Variants in BACE2 observed in about 807,000 individuals in gnomAD.
BACE2 encodes beta-secretase 2.
A neutral mutation model predicts 46.2 loss-of-function variants in BACE2; 17 were observed. That is an observed-to-expected ratio of 0.37 (90% CI 0.25 to 0.55). The LOEUF (loss-of-function observed/expected upper bound fraction) is 0.55. Among genes scored for constraint, BACE2 ranks in the 20% least tolerant of loss-of-function variants. The pLI is 0.82. For missense variants in BACE2, 595 were observed against 698.1 expected (o/e 0.85, Z 1.66); for synonymous variants, 277 against 295.9 (o/e 0.94, Z 0.66).
chr21:41,275,503 G>A lies in BACE2; in HGVS notation c.1436G>A (p.Cys479Tyr). Residue 479 changes from cysteine (C) to tyrosine (Y), a missense_variant, in exon 9 of 9, where the codon TGT (cysteine) becomes TAT (tyrosine). By Grantham distance (194) the Cys-to-Tyr change is radical (BLOSUM62 -2). Around this residue, in one of 3 missense-constraint regions of BACE2, gnomAD observed 343 missense variants for 419.4 expected, o/e 0.82. Transcript: ENST00000330333. ...GTGTCCTATGCGCTCATGAGCGTCT[G>A]TGGAGCCATCCTCCTTGTCTTAATC... ...WIVSYALMSV[C>Y]GAILLVLIVL... is the part of the protein sequence containing the mutation. 1 of 1,614,134 alleles carries A rather than the reference G, an allele frequency of 6.2e-7. No individual in the cohort carries two copies.
At chr21:41,275,216 G>A (rs923113847) in intron 8 of BACE2, among the ~76,000 whole-genome samples, 155 bp from the exon 9 acceptor site, 3 of 152,174 alleles carry the variant, frequency 2.0e-5, no homozygotes, top group African/African-American at 7.2e-5. Flanking sequence ...ACGCTGAGCC[G>A]TGACCCCACT....
At chr21:41,258,527 AT>A (rs1987849214) in intron 8 of BACE2, among the ~76,000 whole-genome samples, 1 of 152,218 alleles carries the variant, frequency 6.6e-6, no homozygotes, top group African/African-American at 2.4e-5. Flanking sequence ...TTCAGTTACT[AT>A]TTTTTAATAC....
intron 2 of BACE2, among the ~76,000 whole-genome samples, chr21:41,235,231 T>C (rs1987082594): frequency 6.6e-6 from 1 of 152,220 alleles, no homozygotes; most frequent in African/African-American, 2.4e-5. Context: ...AGAGTCTGTC[T>C]CATTGACGTA....
At chr21:41,214,092 T>A in intron 1 of BACE2, among the ~76,000 whole-genome samples, 1 of 152,206 alleles carries the variant, frequency 6.6e-6, no homozygotes, top group East Asian at 1.9e-4. Flanking sequence ...TCACAGCATT[T>A]ACTTCTCACA....
intron 6 of BACE2, 117 bp from the exon 7 acceptor site, chr21:41,250,609 GACTAATGTCCCTGCTGTTCTGTCCAA>G: frequency 1.4e-6 from 1 of 704,694 alleles, no homozygotes; most frequent in Non-Finnish European, 2.4e-6. Context: ...TCTTCCAGGG[GACTAATGTCCCTGCTGTTCTGTCCAA>G]ATTAAACATT....
intron 6 of BACE2, among the ~76,000 whole-genome samples, chr21:41,247,067 AC>A (rs1987490647): frequency 6.6e-6 from 1 of 152,138 alleles, no homozygotes. Flanking sequence ...CAAAGCCTGT[AC>A]TGCGGCCCTG....
At chr21:41,210,540 G>C (rs370517539) in intron 1 of BACE2, among the ~76,000 whole-genome samples, 1 of 152,118 alleles carries the variant, frequency 6.6e-6, no homozygotes, top group Admixed American at 6.5e-5. Flanking sequence ...AACACTCACC[G>C]GCCCGGAGAT....
chr21:41,238,131 G>A (rs1223480089), intron 3 of BACE2, among the ~76,000 whole-genome samples: 1 of 152,138 alleles, frequency 6.6e-6, no homozygotes, highest in African/African-American at 2.4e-5. Context: ...CAGGCAGGGG[G>A]TGGTGCCCTC....
At chr21:41,196,315 CA>C (rs58910330) in intron 1 of BACE2, among the ~76,000 whole-genome samples, 41,649 of 129,298 alleles carry the variant, frequency 0.32, 6,189 homozygotes, top group African/African-American at 0.42. Flanking sequence ...AAAACAAAAC[CA>C]AAAAAAAAAA....
chr21:41,176,197 G>C (rs1393264813), intron 1 of BACE2: 1 of 152,182 alleles, frequency 6.6e-6, no homozygotes, highest in Non-Finnish European at 1.5e-5. Context: ...AGACCAATCT[G>C]CTTCAGCTTT....
At chr21:41,227,708 G>T (rs1238588192) in intron 2 of BACE2, among the ~76,000 whole-genome samples, 1 of 152,210 alleles carries the variant, frequency 6.6e-6, no homozygotes, top group Non-Finnish European at 1.5e-5. Context: ...GGCTTCATGT[G>T]TTGGTAAGCT....
intron 1 of BACE2, among the ~76,000 whole-genome samples, chr21:41,195,698 G>A (rs1985709873): frequency 1.3e-5 from 2 of 152,268 alleles, no homozygotes; most frequent in South Asian, 2.1e-4. Context: ...ACTATAGACC[G>A]CCAAGCCTAA....
chr21:41,247,756 C>T (rs1378808942), intron 6 of BACE2, among the ~76,000 whole-genome samples: 3 of 152,226 alleles, frequency 2.0e-5, no homozygotes, highest in Non-Finnish European at 4.4e-5. Flanking sequence ...CATTTGTTTG[C>T]GTTGTCTAAA....
chr21:41,275,570 T>A lies in BACE2; in HGVS notation c.1503T>A (p.Arg501=), dbSNP rs75549819. 14 of 1,614,052 alleles carry A rather than the reference T, an allele frequency of 8.7e-6. No homozygotes were observed. In the East Asian group the frequency reaches 1.3e-4, roughly 15 times the overall value. The change falls in exon 9 of 9, where the codon CGT becomes CGA. Residue 501 remains arginine, a synonymous_variant. Transcript: ENST00000330333. Reference sequence around the variant, plus strand: ...CGTTCCGGTGTCAGCGTCGCCCCCGTGACCCTGAGGTCGTCAATGATGAGT... The same window carrying A: ...CGTTCCGGTGTCAGCGTCGCCCCCGAGACCCTGAGGTCGTCAATGATGAGT... ...LLPFRCQRRP[R]DPEVVNDESS...
chr21:41,180,137 G>A (rs554350975), intron 1 of BACE2: 2 of 200,332 alleles, frequency 1.0e-5, no homozygotes, highest in African/African-American at 4.8e-5. Flanking sequence ...AAATGAAGGG[G>A]CAGTTTATGC....
chr21:41,210,652 G>A (rs565785570), intron 1 of BACE2, among the ~76,000 whole-genome samples: 1 of 152,290 alleles, frequency 6.6e-6, no homozygotes, highest in Non-Finnish European at 1.5e-5. Context: ...ACTGACTTCA[G>A]GAACCTCCTC....
chr21:41,177,025 A>G (rs1487972624), intron 1 of BACE2: 1 of 152,216 alleles, frequency 6.6e-6, no homozygotes, highest in Non-Finnish European at 1.5e-5. Context: ...GGCAGTGCAA[A>G]CTAGAAGTTG....
At chr21:41,184,079 T>C (rs1323276215) in intron 1 of BACE2, 1 of 167,108 alleles carries the variant, frequency 6.0e-6, no homozygotes, top group Non-Finnish European at 1.5e-5. Flanking sequence ...AGGCTATGTT[T>C]AAGCGTCGTT....
intron 1 of BACE2, among the ~76,000 whole-genome samples, chr21:41,215,374 C>T (rs1249878995): frequency 3.0e-4 from 46 of 152,154 alleles, no homozygotes; most frequent in Admixed American, 3.0e-3. Flanking sequence ...GGTGGACAGG[C>T]CATTCTCCCT....
Sources: gnomAD v4.1 joint callset for allele counts (sites outside exome capture counted in the v4.1 genomes callset) on GRCh38, gnomAD v4.1.1 for gene constraint, gnomAD v4.1.1 regional missense constraint, MANE v1.5 for transcripts, NCBI Gene and HGNC (gene_info 2026-07-23, HGNC 2026-07-21) for gene names.